ARMH4: variants seen among roughly 807,000 people sequenced by gnomAD.
ARMH4 encodes the protein armadillo like helical domain containing 4.
Under a neutral mutation model 61.9 loss-of-function variants are expected in ARMH4, and 49 were observed. That is an observed-to-expected ratio of 0.79 (90% confidence interval 0.63 to 1.00). ARMH4 has a LOEUF of 1.00. Ranked by LOEUF, ARMH4 falls within the 50% of genes least tolerant of loss-of-function variation. ARMH4 has a pLI of 0.00. For synonymous variants in ARMH4, 368 were observed against 341.5 expected, an observed-to-expected ratio of 1.08 and a Z score of -0.85; for missense variants, 934 against 930.0, an observed-to-expected ratio of 1.00 and a Z score of -0.06.
At chr14:58,142,450 GT>G (rs1566602777) in intron 1 of ARMH4, among the ~76,000 whole-genome samples, 6 of 151,528 alleles carry the variant, frequency 4.0e-5, no homozygotes, top group South Asian at 4.2e-4. Context: ...TCCTTTTTTT[GT>G]TTCTTTTCTT....
At chr14:58,065,843 C>A (rs899767440) in intron 5 of ARMH4, among the ~76,000 whole-genome samples, 2 of 152,240 alleles carry the variant, frequency 1.3e-5, no homozygotes, top group African/African-American at 2.4e-5. Context: ...CTGTTGTGAG[C>A]TGCATTGTGG....
At chr14:58,145,788 G>T (rs987578932) in intron 1 of ARMH4, among the ~76,000 whole-genome samples, 5 of 152,156 alleles carry the variant, frequency 3.3e-5, no homozygotes, top group Non-Finnish European at 7.3e-5. Flanking sequence ...CTATGTCTGT[G>T]TATTGAGGCC....
chr14:58,139,105 G>A lies in ARMH4; in HGVS notation c.254C>T (p.Ser85Leu). The A allele has an allele frequency of 6.2e-7, 1 of 1,614,218 alleles. No individual in the cohort carries two copies. The stretch of plus-strand genomic sequence containing the variant: ...GTTAATCGAGAATGCTTTATTTAAT[G>A]ATGTTGCCGATGGTACTGCTGACAT... ...MMMSAVPSAT[S>L]LNKAFSINKE... Residue 85 changes from serine (S) to leucine (L), a missense_variant, in exon 2 of 8, where the codon TCA (serine) becomes TTA (leucine). Coordinates refer to ENST00000267485, the MANE Select transcript of ARMH4 (RefSeq NM_001001872.4).
rs1249346255 is a variant in ARMH4, at chr14:58,003,101, G to A, written c.*1635C>T. 6.6e-6 allele frequency: 1 copy of A among 152,164 alleles called. No individual in the cohort carries two copies. The highest frequency in any genetic ancestry group is 2.4e-5 in the African/African-American group (1 of 41,442). The allele number at this position is 152,164 out of a possible 1,614,324, so 9.4% of individuals were successfully genotyped here. A position where few individuals can be genotyped will look rare whatever the true frequency, so the allele number is the denominator to read the frequency against. ...TGTGAGTAAGAGAGAAATTAGAAAG[G>A]CATCATTCATTTAACAAAGATGGAA... On this transcript the variant is annotated 3_prime_UTR_variant, in exon 8 of 8. Coordinates refer to ENST00000267485, the MANE Select transcript of ARMH4 (RefSeq NM_001001872.4).
chr14:58,030,933 C>G (rs367924640), intron 5 of ARMH4, among the ~76,000 whole-genome samples: 3 of 152,298 alleles, frequency 2.0e-5, no homozygotes, highest in African/African-American at 7.2e-5. Flanking sequence ...TCACTATGAA[C>G]ATGGATGTAC....
chr14:58,080,768 T>C (rs911507782), intron 5 of ARMH4, among the ~76,000 whole-genome samples: 5 of 152,084 alleles, frequency 3.3e-5, no homozygotes, highest in African/African-American at 9.7e-5. Flanking sequence ...TTTTCATCAT[T>C]AATAAAATAA....
Position 58,128,940 on chromosome 14 carries a change from AC to A in ARMH4, c.1831+2571del, listed in dbSNP as rs150921246. Among the ~76,000 whole-genome samples the A allele has an allele frequency of 6.0e-3, 916 of 152,274 alleles. 5 individuals are homozygous for A. Among genetic ancestry groups the A allele is most frequent in the East Asian group, 0.024 (125 of 5,184 alleles). ...CTGGTGTTCTTAAAAAGCAAGGAAA[AC>A]TTGAGCACAGAGACACAGACGGCCA... On this transcript the variant is annotated intron_variant, in intron 4 of 7. Transcript: ENST00000267485.
intron 3 of ARMH4, among the ~76,000 whole-genome samples, chr14:58,132,578 TCC>T (rs1887146719): frequency 7.2e-6 from 1 of 138,106 alleles, no homozygotes; most frequent in Admixed American, 7.5e-5. Flanking sequence ...TAAACCCTTG[TCC>T]CTTTTTTTTT....
intron 5 of ARMH4, among the ~76,000 whole-genome samples, chr14:58,021,483 A>C (rs2141147824): frequency 6.6e-6 from 1 of 152,282 alleles, no homozygotes; most frequent in South Asian, 2.1e-4. Context: ...TTTCTTTGTA[A>C]GTTGCACTGT....
At chr14:58,053,897 T>C (rs1884231453) in intron 5 of ARMH4, among the ~76,000 whole-genome samples, 1 of 152,206 alleles carries the variant, frequency 6.6e-6, no homozygotes, top group Admixed American at 6.5e-5. Context: ...GTTTTTCACT[T>C]TTCTATACCA....
intron 2 of ARMH4, among the ~76,000 whole-genome samples, chr14:58,136,055 A>G (rs1197996918): frequency 6.6e-6 from 1 of 152,184 alleles, no homozygotes; most frequent in East Asian, 1.9e-4. Flanking sequence ...CACATTGGAT[A>G]ACTCCAGTCT....
Position 58,112,025 on chromosome 14 carries a change from A to G in ARMH4, c.1832-15044T>C, listed in dbSNP as rs1490237002. Among the ~76,000 whole-genome samples, 4 of 152,104 alleles carry G rather than the reference A, an allele frequency of 2.6e-5. No homozygotes were observed. The East Asian group carries it at 5.8e-4, about 22-fold the overall frequency. ...CTCTTTTTATAAGGACACCAGTCCT[A>G]TTGGATTTGGCCCCACTCTTATGAC... On this transcript the variant is annotated intron_variant, in intron 4 of 7. Coordinates refer to ENST00000267485, the MANE Select transcript of ARMH4 (RefSeq NM_001001872.4).
intron 4 of ARMH4, among the ~76,000 whole-genome samples, chr14:58,126,802 A>ATTTTTTTTTTTTTTTTTTTT (rs34763780): frequency 7.3e-6 from 1 of 137,274 alleles, no homozygotes; most frequent in Non-Finnish European, 1.6e-5. Context: ...TCTCCATTGG[A>ATTTTTTTTTTTTTTTTTTTT]TTTTTTTTTT....
intron 5 of ARMH4, among the ~76,000 whole-genome samples, chr14:58,032,891 G>A (rs1029932585): frequency 3.1e-4 from 47 of 152,072 alleles, no homozygotes; most frequent in African/African-American, 5.1e-4. Flanking sequence ...CACCTGGCTC[G>A]GAGGGTCCTA....
intron 4 of ARMH4, among the ~76,000 whole-genome samples, chr14:58,108,367 T>G (rs1340514465): frequency 6.6e-6 from 1 of 152,192 alleles, no homozygotes; most frequent in African/African-American, 2.4e-5. Flanking sequence ...ATTAAGTTCA[T>G]AGTGAAATGA....
At position 58,139,432 on chromosome 14, in the gene ARMH4, A is replaced by T; in HGVS notation, c.-56-18T>A. 2 of 1,361,566 alleles carry T rather than the reference A, an allele frequency of 1.5e-6. No individual in the cohort carries two copies. Among genetic ancestry groups the T allele is most frequent in the Non-Finnish European group, 2.1e-6 (2 of 969,198 alleles). The allele number at this position is 1,361,566 out of a possible 1,614,324, so 84.3% of individuals were successfully genotyped here. On this transcript the variant is annotated intron_variant, in intron 1 of 7. Coordinates refer to ENST00000267485, the MANE Select transcript of ARMH4 (RefSeq NM_001001872.4). The stretch of plus-strand genomic sequence containing the variant: ...ATTGAATCCTGCAGAAAAATAAAGC[A>T]TATCAAACTGTCATATAAATACATG...
At position 58,080,908 on chromosome 14, in the gene ARMH4, C is replaced by T. The variant is rs141826614; in HGVS notation, c.2089+15816G>A. 3.9e-3 allele frequency among the ~76,000 whole-genome samples: 600 copies of T among 152,022 alleles called. 5 individuals carry two copies. Among genetic ancestry groups the T allele is most frequent in the African/African-American group, 0.013 (554 of 41,446 alleles). ...CTTGAGGCCAGGAGTTTAAGACCAG[C>T]CTGGGCAATATGGTGAAACCCCATT... On this transcript the variant is annotated intron_variant, in intron 5 of 7. Transcript: ENST00000267485.
At chr14:58,116,813 C>T (rs1438620926) in intron 4 of ARMH4, among the ~76,000 whole-genome samples, 1 of 152,172 alleles carries the variant, frequency 6.6e-6, no homozygotes, top group Non-Finnish European at 1.5e-5. Flanking sequence ...TAAGTACCTT[C>T]GCATTTACTG....
chr14:58,112,644 T>C (rs376026612), intron 4 of ARMH4, among the ~76,000 whole-genome samples: 4 of 152,240 alleles, frequency 2.6e-5, no homozygotes, highest in African/African-American at 2.4e-5. Context: ...TCCCTCCTTC[T>C]AGAATTATCT....
Sources: allele counts gnomAD v4.1 joint callset (sites outside exome capture counted in the v4.1 genomes callset), GRCh38; gene constraint gnomAD v4.1.1; transcripts MANE v1.5; gene names NCBI Gene and HGNC (gene_info 2026-07-23, HGNC 2026-07-21).